Variants in TGDS observed in about 807,000 individuals in gnomAD.
TGDS encodes UDP-D-glucose 4,6-dehydratase.
TGDS carries 47 observed loss-of-function variants against 52.3 expected under a neutral mutation model. The ratio of observed to expected loss-of-function variants is 0.90; its 90% confidence interval spans 0.71 to 1.15. The LOEUF is 1.15. TGDS is among the 50% of genes most tolerant of loss of function. The probability of loss-of-function intolerance (pLI) is 0.00; values close to 1 mark genes in which losing one functional copy is unlikely to be tolerated. For missense variants in TGDS, 375 were observed against 418.4 expected (o/e 0.90, Z 0.90); for synonymous variants, 115 against 136.9 (o/e 0.84, Z 1.12).
At chr13:94,591,095 T>A in intron 3 of TGDS, 152 bp from the exon 4 acceptor site, 2 of 603,732 alleles carry the variant, frequency 3.3e-6, no homozygotes, top group Admixed American at 3.8e-5. Flanking sequence ...AGGATACCAA[T>A]GATGTATTTC....
At chr13:94,585,707 C>T (rs1376876854) in intron 4 of TGDS, among the ~76,000 whole-genome samples, 4 of 150,580 alleles carry the variant, frequency 2.7e-5, no homozygotes, top group Non-Finnish European at 2.9e-5. Flanking sequence ...GGCTGAAGCA[C>T]GAGAACTGCT....
At chr13:94,594,169 A>T (rs1339322356) in intron 1 of TGDS, among the ~76,000 whole-genome samples, 3 of 152,196 alleles carry the variant, frequency 2.0e-5, no homozygotes, top group African/African-American at 7.2e-5. Flanking sequence ...ATAGGGAAAA[A>T]AGTCAGTTTA....
chr13:94,595,732 G>A (rs1293320848), intron 1 of TGDS, among the ~76,000 whole-genome samples: 1 of 152,150 alleles, frequency 6.6e-6, no homozygotes, highest in African/African-American at 2.4e-5. Flanking sequence ...GCTCTAGGCT[G>A]GAGGTGGGAA....
At chr13:94,588,081 A>G (rs531656769) in intron 4 of TGDS, among the ~76,000 whole-genome samples, 15 of 151,818 alleles carry the variant, frequency 9.9e-5, no homozygotes, top group African/African-American at 1.9e-4. Context: ...CATTGTAATT[A>G]AGAACTTTCA....
intron 4 of TGDS, among the ~76,000 whole-genome samples, chr13:94,587,533 C>T (rs1889033939): frequency 6.6e-6 from 1 of 151,352 alleles, no homozygotes; most frequent in Non-Finnish European, 1.5e-5. Flanking sequence ...AACATTTGAC[C>T]CATGACAAAA....
intron 7 of TGDS, chr13:94,579,650 T>A (rs7333594): frequency 6.3e-5 from 23 of 363,378 alleles, no homozygotes; most frequent in Non-Finnish European, 8.9e-5. Context: ...ATCATTCTCA[T>A]TGGATCTTTC....
intron 3 of TGDS, among the ~76,000 whole-genome samples, chr13:94,591,953 A>G (rs1251616429): frequency 1.3e-5 from 2 of 152,238 alleles, no homozygotes; most frequent in Non-Finnish European, 2.9e-5. Flanking sequence ...ATCAACCTTC[A>G]TAGGGAAAGA....
chr13:94,581,622 AAAG>A (rs1888797448), intron 5 of TGDS, among the ~76,000 whole-genome samples: 1 of 152,216 alleles, frequency 6.6e-6, no homozygotes, highest in African/African-American at 2.4e-5. Flanking sequence ...GTGCATGAAG[AAAG>A]AAGTTTACCT....
chr13:94,575,201 A>G (rs1888553602), intron 11 of TGDS, among the ~76,000 whole-genome samples: 1 of 151,938 alleles, frequency 6.6e-6, no homozygotes, highest in African/African-American at 2.4e-5. Flanking sequence ...GTTATTTTAT[A>G]TAAAAAAGTA....
intron 2 of TGDS, among the ~76,000 whole-genome samples, chr13:94,592,999 C>T (rs552363945): frequency 6.6e-6 from 1 of 152,008 alleles, no homozygotes; most frequent in African/African-American, 2.4e-5. Flanking sequence ...ACTAAAAATA[C>T]AAAATTTAGC....
intron 5 of TGDS, among the ~76,000 whole-genome samples, chr13:94,582,437 T>A (rs575691512): frequency 9.9e-4 from 150 of 152,268 alleles, no homozygotes; most frequent in Non-Finnish European, 1.5e-3. Context: ...TTCTGGGGCA[T>A]GAAAAAATAA....
rs1889174905 is a variant in TGDS, at chr13:94,590,862, T to C, written c.304A>G (p.Thr102Ala). 1.3e-6 allele frequency: 2 copies of C among 1,568,910 alleles called. No homozygotes were observed. The highest frequency in any genetic ancestry group is 1.7e-6 in the Non-Finnish European group (2 of 1,166,232). Residue 102 changes from threonine to alanine, a missense_variant, in exon 4 of 12, where the codon ACA (threonine) becomes GCA (alanine). By Grantham distance (58) the Thr-to-Ala change is moderately conservative (BLOSUM62 0). Coordinates refer to ENST00000261296, the MANE Select transcript of TGDS (RefSeq NM_014305.4). ...IDIVLHFAAQ[T>A]HVDLSFVRAF... ...ATAAAACAATGCTTACCTACATGTG[T>C]TTGTGCGGCAAAATGTAGTACTATA...
chr13:94,584,431 G>A (rs939661881), intron 4 of TGDS, among the ~76,000 whole-genome samples: 2 of 152,122 alleles, frequency 1.3e-5, no homozygotes, highest in African/African-American at 2.4e-5. Context: ...GGTGTTCAGG[G>A]TATGGAAAAG....
chr13:94,593,174 T>C (rs77980634), intron 2 of TGDS, among the ~76,000 whole-genome samples: 1 of 152,104 alleles, frequency 6.6e-6, no homozygotes, highest in African/African-American at 2.4e-5. Context: ...AAAATGTTCA[T>C]GCCAAAATTT....
rs1888513479 is a variant in TGDS, at chr13:94,574,096, C to T, written c.*686G>A. 1 of 151,818 alleles carries T rather than the reference C, an allele frequency of 6.6e-6. No homozygotes were observed. The highest frequency in any genetic ancestry group is 6.6e-5 in the Admixed American group (1 of 15,228). 9.4% of individuals were successfully genotyped at this position (151,818 alleles called of 1,614,324 possible). A position where few individuals can be genotyped will look rare whatever the true frequency, so the allele number is the denominator to read the frequency against. On this transcript the variant is annotated 3_prime_UTR_variant, in exon 12 of 12. Transcript: ENST00000261296. ...TTATTTTTCTACAGCAAAATAAAAACATTATTTTAAAAAGCAATATTCTAC... is the reference window on the plus strand; with the variant it reads ...TTATTTTTCTACAGCAAAATAAAAATATTATTTTAAAAAGCAATATTCTAC...
intron 6 of TGDS, among the ~76,000 whole-genome samples, chr13:94,580,596 G>A (rs961618503): frequency 1.3e-5 from 2 of 152,110 alleles, no homozygotes; most frequent in African/African-American, 4.8e-5. Flanking sequence ...TGGCAGAAAG[G>A]GGATCTGTCT....
rs1361360452 is a variant in TGDS, at chr13:94,583,107, C to T, written c.443G>A (p.Gly148Asp). The T allele has an allele frequency of 6.2e-7, 1 of 1,613,268 alleles. No homozygotes were observed. Among genetic ancestry groups the T allele is most frequent in the Admixed American group, 1.7e-5 (1 of 59,910 alleles). ...TTCTAAGCTCACCTTATCAAGACTG[C>T]CACCATATACTTCATCTGTGCTGAC... ...IYVSTDEVYG[G>D]SLDKEFDESS... The change falls in exon 5 of 12, where the codon GGC becomes GAC. Residue 148 changes from glycine (G) to aspartate (D), a missense_variant. Transcript: ENST00000261296.
intron 4 of TGDS, among the ~76,000 whole-genome samples, chr13:94,585,878 G>A (rs759532998): frequency 2.6e-5 from 4 of 151,630 alleles, no homozygotes; most frequent in Admixed American, 6.6e-5. Flanking sequence ...AATAGGAAGA[G>A]GGCAAAGGTT....
At chr13:94,574,984 AATG>A in intron 11 of TGDS, 132 bp from the exon 12 acceptor site, 1 of 525,548 alleles carries the variant, frequency 1.9e-6, no homozygotes, top group Non-Finnish European at 3.3e-6. Flanking sequence ...AGGGCTGACT[AATG>A]ATGTAAACAA....
Sources: gnomAD v4.1 joint callset for allele counts (sites outside exome capture counted in the v4.1 genomes callset) on GRCh38, gnomAD v4.1.1 for gene constraint, MANE v1.5 for transcripts, NCBI Gene and HGNC (gene_info 2026-07-23, HGNC 2026-07-21) for gene names.